The following CHCHD6 variants were observed in gnomAD, a reference collection of about 807,000 sequenced individuals.
CHCHD6 encodes coiled-coil-helix-coiled-coil-helix domain containing 6, also known as MICOS complex subunit MIC25.
In CHCHD6, 28 loss-of-function variants were observed where a neutral mutation model predicts 32.3. The observed-to-expected ratio is 0.87, with a 90% CI of 0.64 to 1.19. The LOEUF (loss-of-function observed/expected upper bound fraction) is 1.19, where lower values mean the gene tolerates loss of function less well. Among genes scored for constraint, CHCHD6 ranks in the 50% most tolerant of loss-of-function variants. The pLI is 0.00. For synonymous variants in CHCHD6, 122 were observed against 117.5 expected (o/e 1.04, Z -0.25); for missense variants, 333 against 307.0 (o/e 1.08, Z -0.63).
intron 5 of CHCHD6, among the ~76,000 whole-genome samples, chr3:126,876,582 A>G (rs1011682207): frequency 6.6e-6 from 1 of 152,228 alleles, no homozygotes; most frequent in Non-Finnish European, 1.5e-5. Context: ...CACTTCCCTC[A>G]TGAACATGTG....
chr3:126,812,590 A>T (rs1939710222), intron 4 of CHCHD6, among the ~76,000 whole-genome samples: 1 of 149,712 alleles, frequency 6.7e-6, no homozygotes. Context: ...ATACCCAGCT[A>T]ATTTTTTTTT....
intron 6 of CHCHD6, among the ~76,000 whole-genome samples, chr3:126,946,401 G>T (rs556166877): frequency 6.6e-6 from 1 of 152,284 alleles, no homozygotes; most frequent in East Asian, 1.9e-4. Flanking sequence ...GAGAGAGAAG[G>T]GATAGTCCTG....
In CHCHD6 at chr3:126,888,437, A is replaced by T. The variant is rs542410611; in HGVS notation, c.496-26243A>T. Among the ~76,000 whole-genome samples, 11 of 152,276 alleles carry T rather than the reference A, an allele frequency of 7.2e-5. No individual in the cohort carries two copies. The South Asian group carries it at 2.3e-3, about 32-fold the overall frequency. ...AAGAATTCCTCTTCTGTTGCACTTA[A>T]TTGTATTTATCCATTTAGCCACTCC... On this transcript the variant is annotated intron_variant, in intron 5 of 7. Transcript: ENST00000290913.
intron 1 of CHCHD6, among the ~76,000 whole-genome samples, chr3:126,719,918 T>C (rs1340179198): frequency 6.6e-6 from 1 of 152,118 alleles, no homozygotes; most frequent in Non-Finnish European, 1.5e-5. Context: ...TTCACTCTTG[T>C]TGCCCAGACT....
intron 4 of CHCHD6, among the ~76,000 whole-genome samples, chr3:126,836,849 G>A (rs925479703): frequency 5.9e-5 from 9 of 152,176 alleles, no homozygotes; most frequent in Admixed American, 3.3e-4. Flanking sequence ...AAGACAGTGC[G>A]CTGAGGATGT....
intron 1 of CHCHD6, among the ~76,000 whole-genome samples, chr3:126,716,983 A>C (rs1935049818): frequency 6.6e-6 from 1 of 152,070 alleles, no homozygotes; most frequent in African/African-American, 2.4e-5. Context: ...TAGGGGCCTG[A>C]GTGCTGCTTA....
intron 4 of CHCHD6, among the ~76,000 whole-genome samples, chr3:126,823,771 G>C (rs1405661298): frequency 6.6e-6 from 1 of 152,192 alleles, no homozygotes; most frequent in Non-Finnish European, 1.5e-5. Context: ...GTATGGCCAG[G>C]CATGGTGGCT....
At chr3:126,911,893 G>A (rs1335094415) in intron 5 of CHCHD6, among the ~76,000 whole-genome samples, 1 of 152,214 alleles carries the variant, frequency 6.6e-6, no homozygotes, top group Non-Finnish European at 1.5e-5. Flanking sequence ...ACACTCAGGA[G>A]CCCTGTGGGC....
At chr3:126,720,915 G>A (rs184720363) in intron 1 of CHCHD6, among the ~76,000 whole-genome samples, 3 of 152,266 alleles carry the variant, frequency 2.0e-5, no homozygotes, top group African/African-American at 4.8e-5. Flanking sequence ...CCGCAAAAAA[G>A]GAGCAAATGG....
At chr3:126,893,019 A>C (rs2077786899) in intron 5 of CHCHD6, among the ~76,000 whole-genome samples, 1 of 151,712 alleles carries the variant, frequency 6.6e-6, no homozygotes, top group African/African-American at 2.4e-5. Context: ...CCCAGGCTGG[A>C]GTGCAGTGGC....
intron 4 of CHCHD6, among the ~76,000 whole-genome samples, chr3:126,805,177 C>CAT (rs1576438046): frequency 6.6e-6 from 1 of 152,154 alleles, no homozygotes; most frequent in East Asian, 1.9e-4. Flanking sequence ...CCCTATTCAA[C>CAT]ATAGTGTTGG....
At chr3:126,908,256 AAGGTTCC>A (rs2078034333) in intron 5 of CHCHD6, among the ~76,000 whole-genome samples, 2 of 152,308 alleles carry the variant, frequency 1.3e-5, no homozygotes, top group African/African-American at 4.8e-5. Flanking sequence ...CTGCGTGGGA[AAGGTTCC>A]AGGTTCCTGA....
At chr3:126,940,552 A>G (rs1223585490) in intron 6 of CHCHD6, among the ~76,000 whole-genome samples, 1 of 152,206 alleles carries the variant, frequency 6.6e-6, no homozygotes, top group African/African-American at 2.4e-5. Flanking sequence ...AAATTCTTCT[A>G]GAGGGAGTTT....
chr3:126,937,744 G>T (rs1436684423), intron 6 of CHCHD6, among the ~76,000 whole-genome samples: 1 of 152,162 alleles, frequency 6.6e-6, no homozygotes, highest in Non-Finnish European at 1.5e-5. Context: ...TGTAGGCTTT[G>T]TATCCTCAGG....
chr3:126,804,177 TTCAAAAGCTAGCAGAAGGCAAGAAA>T (rs1939234106), intron 4 of CHCHD6, among the ~76,000 whole-genome samples: 1 of 151,890 alleles, frequency 6.6e-6, no homozygotes, highest in East Asian at 1.9e-4. Flanking sequence ...AGCAAACACA[TTCAAAAGCTAGCAGAAGGCAAGAAA>T]TAACTAAAAT....
At chr3:126,820,002 A>T (rs1284920295) in intron 4 of CHCHD6, among the ~76,000 whole-genome samples, 1 of 152,178 alleles carries the variant, frequency 6.6e-6, no homozygotes, top group African/African-American at 2.4e-5. Context: ...TCAGAGGCAG[A>T]CCTGGGTTCA....
At chr3:126,958,384 C>T (rs951207832) in intron 7 of CHCHD6, among the ~76,000 whole-genome samples, 5 of 152,176 alleles carry the variant, frequency 3.3e-5, no homozygotes, top group Admixed American at 2.6e-4. Flanking sequence ...AACAACAGGA[C>T]GAGGTCTCCT....
At chr3:126,837,949 C>T (rs539254363) in intron 4 of CHCHD6, among the ~76,000 whole-genome samples, 9 of 152,228 alleles carry the variant, frequency 5.9e-5, no homozygotes, top group African/African-American at 2.2e-4. Context: ...GAGAGGCCAT[C>T]TGTCCTGTGA....
At chr3:126,745,259 T>C (rs1018963385) in intron 4 of CHCHD6, among the ~76,000 whole-genome samples, 2 of 152,210 alleles carry the variant, frequency 1.3e-5, no homozygotes, top group Non-Finnish European at 2.9e-5. Flanking sequence ...TCCATAGCCT[T>C]GTGGCTTAGC....
Sources: allele counts gnomAD v4.1 joint callset (sites outside exome capture counted in the v4.1 genomes callset), GRCh38; gene constraint gnomAD v4.1.1; transcripts MANE v1.5; gene names NCBI Gene and HGNC (gene_info 2026-07-23, HGNC 2026-07-21).